Variants in NR5A1 observed in about 807,000 individuals in gnomAD.
NR5A1 encodes the protein nuclear receptor subfamily 5 group A member 1.
Under a neutral mutation model 42.7 loss-of-function variants are expected in NR5A1, and 6 were observed. The ratio of observed to expected loss-of-function variants is 0.14; its 90% confidence interval spans 0.08 to 0.28. The LOEUF (loss-of-function observed/expected upper bound fraction) is 0.28. NR5A1 is among the 10% of genes least tolerant of loss of function. The probability of loss-of-function intolerance (pLI) is 1.00; values close to 1 mark genes in which losing one functional copy is unlikely to be tolerated. For synonymous variants in NR5A1, 274 were observed against 277.5 expected (o/e 0.99, Z 0.12); for missense variants, 442 against 626.4 (o/e 0.71, Z 3.14).
At chr9:124,506,503 T>C (rs1243337990) in intron 1 of NR5A1, among the ~76,000 whole-genome samples, 1 of 152,112 alleles carries the variant, frequency 6.6e-6, no homozygotes, top group East Asian at 1.9e-4. Context: ...TGGTGGATGA[T>C]GGGCTGGGGT....
At chr9:124,483,068 C>A in intron 6 of NR5A1, 63 bp from the exon 7 acceptor site, 1 of 1,607,810 alleles carries the variant, frequency 6.2e-7, no homozygotes. Context: ...GCTGGGCCAA[C>A]ACCGTCACCA....
Position 124,493,043 on chromosome 9 carries a change from A to G in NR5A1, c.977T>C (p.Val326Ala). 6.2e-7 allele frequency: 1 copy of G among 1,603,290 alleles called. No individual in the cohort carries two copies. The highest frequency in any genetic ancestry group is 8.5e-7 in the Non-Finnish European group (1 of 1,176,136). ...GGGACTGGTCACCTCCTGCCCGGTG[A>G]CCAGCAGGATGCTGCCCTCCTTGCC... Reference protein sequence around the residue: ...QHGKEGSILLVTGQEVELTTV... With the variant: ...QHGKEGSILLATGQEVELTTV... The change falls in exon 5 of 7, where the codon GTC becomes GCC. Residue 326 changes from valine (V) to alanine (A), a missense_variant. By Grantham distance (64) the Val-to-Ala change is moderately conservative. Coordinates refer to ENST00000373588, the MANE Select transcript of NR5A1 (RefSeq NM_004959.5).
intron 6 of NR5A1, among the ~76,000 whole-genome samples, chr9:124,485,132 G>C (rs908095006): frequency 6.6e-6 from 1 of 152,110 alleles, no homozygotes; most frequent in Non-Finnish European, 1.5e-5. Context: ...CAGCTTGCAG[G>C]CCTCTTTCAG....
At chr9:124,490,538 C>T (rs1832291984) in intron 6 of NR5A1, among the ~76,000 whole-genome samples, 1 of 152,178 alleles carries the variant, frequency 6.6e-6, no homozygotes, top group African/African-American at 2.4e-5. Context: ...CTGGTCACAA[C>T]CTTCCTGGCT....
chr9:124,491,601 C>T (rs183745959), intron 5 of NR5A1, among the ~76,000 whole-genome samples: 6 of 152,226 alleles, frequency 3.9e-5, no homozygotes, highest in South Asian at 4.1e-4. Flanking sequence ...TGTGTGGGGA[C>T]ACACAGACAC....
chr9:124,481,843 C>G lies in NR5A1; in HGVS notation c.*915G>C, dbSNP rs532563574. The G allele has an allele frequency of 2.0e-5, 3 of 152,228 alleles. No homozygotes were observed. Among genetic ancestry groups the G allele is most frequent in the African/African-American group, 7.2e-5 (3 of 41,440 alleles). The allele number at this position is 152,228 out of a possible 1,614,324, so 9.4% of individuals were successfully genotyped here. ...CAAGGGTACTTAGTAGGCGAGTGTC[C>G]GGGGAGAAACCGTCAGCTGTACTTA... On this transcript the variant is annotated 3_prime_UTR_variant, in exon 7 of 7. Transcript: ENST00000373588.
At chr9:124,504,639 C>A (rs895020625) in intron 1 of NR5A1, among the ~76,000 whole-genome samples, 10 of 151,352 alleles carry the variant, frequency 6.6e-5, no homozygotes, top group African/African-American at 2.4e-4. Context: ...GCCCGGGACG[C>A]GAGAGGGGGC....
chr9:124,497,506 G>A (rs1005438440), intron 4 of NR5A1, among the ~76,000 whole-genome samples: 12 of 152,158 alleles, frequency 7.9e-5, no homozygotes, highest in African/African-American at 2.4e-4. Flanking sequence ...GCTCAGCATC[G>A]GACACAACTG....
chr9:124,491,017 A>ACCCCCCCCCCCCCCCCCCC, intron 6 of NR5A1, 64 bp downstream of exon 6: 1 of 457,440 alleles, frequency 2.2e-6, no homozygotes, highest in Non-Finnish European at 4.2e-6. Flanking sequence ...CTCCAGCCTC[A>ACCCCCCCCCCCCCCCCCCC]CCCACCCTCC....
At chr9:124,494,602 A>G (rs1832360831) in intron 4 of NR5A1, among the ~76,000 whole-genome samples, 1 of 152,198 alleles carries the variant, frequency 6.6e-6, no homozygotes, top group Non-Finnish European at 1.5e-5. Context: ...AGCAGTGGTC[A>G]GAGGGGCTGA....
intron 6 of NR5A1, among the ~76,000 whole-genome samples, chr9:124,488,652 G>A (rs1436606905): frequency 6.6e-6 from 1 of 152,132 alleles, no homozygotes; most frequent in Non-Finnish European, 1.5e-5. Flanking sequence ...GGACACTTTG[G>A]GGAATTCTCT....
intron 3 of NR5A1, among the ~76,000 whole-genome samples, chr9:124,502,625 G>A (rs1375497690): frequency 6.6e-6 from 1 of 152,224 alleles, no homozygotes; most frequent in East Asian, 1.9e-4. Flanking sequence ...GCTCCATCCG[G>A]CCAAGCCCAT....
Position 124,503,594 on chromosome 9 carries a change from G to T in NR5A1, c.-15-184C>A, listed in dbSNP as rs1043843773. Among the ~76,000 whole-genome samples the T allele has an allele frequency of 7.2e-5, 11 of 152,048 alleles. No individual in the cohort carries two copies. The highest frequency in any genetic ancestry group is 1.5e-4 in the Non-Finnish European group (10 of 67,988). On this transcript the variant is annotated intron_variant, in intron 1 of 6. Transcript: ENST00000373588. The surrounding 1 kb of genome is among the most constrained non-coding windows in gnomAD (Gnocchi z 9.6). ...GGGGTGGGTCCGGTGCAGTCCCCGC[G>T]CCCGGCCTTCCCCTGCCAGGCCCCA...
In NR5A1 at chr9:124,496,261, C is replaced by A. The variant is rs1361566941; in HGVS notation, c.871-3112G>T. ...AGGGCCATAGCTGCCAGCCCCCCTG[C>A]ATGAGAAAGCAGGTGGCTAAGAGGT... On this transcript the variant is annotated intron_variant, in intron 4 of 6. Coordinates refer to ENST00000373588, the MANE Select transcript of NR5A1 (RefSeq NM_004959.5). The surrounding 1 kb of genome is among the most constrained non-coding windows in gnomAD (Gnocchi z 5.0). Among the ~76,000 whole-genome samples the A allele has an allele frequency of 6.6e-6, 1 of 152,164 alleles. No individual in the cohort carries two copies. Among genetic ancestry groups the A allele is most frequent in the African/African-American group, 2.4e-5 (1 of 41,438 alleles).
At chr9:124,492,575 C>A (rs1468301773) in intron 5 of NR5A1, among the ~76,000 whole-genome samples, 1 of 152,116 alleles carries the variant, frequency 6.6e-6, no homozygotes. Context: ...GCACTAGCAA[C>A]CCCCTAGCCT....
At chr9:124,487,332 T>C (rs897182284) in intron 6 of NR5A1, among the ~76,000 whole-genome samples, 3 of 152,378 alleles carry the variant, frequency 2.0e-5, no homozygotes, top group Admixed American at 1.3e-4. Context: ...TCAGGCCGCC[T>C]TTTGTTGGCG....
At chr9:124,495,961 C>A (rs1191761620) in intron 4 of NR5A1, among the ~76,000 whole-genome samples, 2 of 152,230 alleles carry the variant, frequency 1.3e-5, no homozygotes, top group Non-Finnish European at 2.9e-5. Context: ...TTTTGTGAAG[C>A]AGGAAATGTA....
rs555095527 is a variant in NR5A1, at chr9:124,506,183, C to A, written c.-16+1066G>T. On this transcript the variant is annotated intron_variant, in intron 1 of 6. Transcript: ENST00000373588. ...TCAGCTGGCTCACCCACAGAAGGAG[C>A]AGAACCCGCAGACTAGCTGTGCAAG... Among the ~76,000 whole-genome samples the A allele has an allele frequency of 2.6e-5, 4 of 152,352 alleles. No homozygotes were observed. In the East Asian group the frequency reaches 5.8e-4, roughly 22 times the overall value.
chr9:124,497,124 A>T (rs1832400580), intron 4 of NR5A1, among the ~76,000 whole-genome samples: 1 of 152,212 alleles, frequency 6.6e-6, no homozygotes, highest in Non-Finnish European at 1.5e-5. Context: ...AGTGTAGCTA[A>T]GGGGAAGAGA....
Sources: allele counts gnomAD v4.1 joint callset (sites outside exome capture counted in the v4.1 genomes callset), GRCh38; gene constraint gnomAD v4.1.1; non-coding constraint Gnocchi (gnomAD v3.1); transcripts MANE v1.5; gene names NCBI Gene and HGNC (gene_info 2026-07-23, HGNC 2026-07-21).